Variants in STK38 observed in about 807,000 individuals in gnomAD.
STK38 encodes serine/threonine-protein kinase 38.
Under a neutral mutation model 59.0 loss-of-function variants are expected in STK38, and 26 were observed. The observed-to-expected ratio is 0.44, with a 90% CI of 0.32 to 0.61. The LOEUF (loss-of-function observed/expected upper bound fraction) is 0.61, where lower values mean the gene tolerates loss of function less well. Ranked by LOEUF, STK38 falls within the 20% of genes least tolerant of loss-of-function variation. The pLI is 0.04. For synonymous variants in STK38, 175 were observed against 176.6 expected, an observed-to-expected ratio of 0.99 and a Z score of 0.07; for missense variants, 433 against 566.0, an observed-to-expected ratio of 0.76 and a Z score of 2.38.
intron 2 of STK38, among the ~76,000 whole-genome samples, chr6:36,538,891 C>CAAAAA (rs1214217676): frequency 1.1e-4 from 6 of 54,118 alleles, no homozygotes; most frequent in African/African-American, 3.6e-4. Flanking sequence ...GACTCTGTCT[C>CAAAAA]AAAAAAAAAA....
intron 10 of STK38, among the ~76,000 whole-genome samples, chr6:36,499,437 T>A (rs1398575884): frequency 2.0e-5 from 3 of 152,024 alleles, no homozygotes; most frequent in African/African-American, 7.3e-5. Flanking sequence ...CCCCCACAGA[T>A]GCGTCCCATA....
At chr6:36,536,639 T>A (rs777322093) in intron 2 of STK38, among the ~76,000 whole-genome samples, 154 of 152,262 alleles carry the variant, frequency 1.0e-3, no homozygotes, top group African/African-American at 3.6e-3. Flanking sequence ...GTTCAAGCGA[T>A]TCTCCTGCCT....
At chr6:36,504,802 A>G (rs1776920014) in intron 9 of STK38, among the ~76,000 whole-genome samples, 1 of 151,964 alleles carries the variant, frequency 6.6e-6, no homozygotes, top group African/African-American at 2.4e-5. Context: ...AAAGAGCACA[A>G]AGCTTGTCTT....
At chr6:36,498,329 C>A in intron 11 of STK38, 34 bp downstream of exon 11, 1 of 1,580,172 alleles carries the variant, frequency 6.3e-7, no homozygotes, top group Non-Finnish European at 8.5e-7. Context: ...TATTAAAAAG[C>A]TGAGAAAGAA....
intron 2 of STK38, among the ~76,000 whole-genome samples, chr6:36,533,307 G>A (rs370423501): frequency 4.4e-4 from 67 of 152,144 alleles, no homozygotes; most frequent in African/African-American, 1.5e-3. Context: ...ACCACCACAC[G>A]TGGCTTACTG....
chr6:36,542,145 T>C (rs1166688142), intron 1 of STK38, among the ~76,000 whole-genome samples: 1 of 152,152 alleles, frequency 6.6e-6, no homozygotes, highest in Non-Finnish European at 1.5e-5. Flanking sequence ...CATGTTTTTC[T>C]ATATTTTCTT....
At chr6:36,502,192 G>A (rs1776857191) in intron 9 of STK38, among the ~76,000 whole-genome samples, 1 of 152,050 alleles carries the variant, frequency 6.6e-6, no homozygotes, top group African/African-American at 2.4e-5. Flanking sequence ...ACCCGGGCTG[G>A]AGTGCAGTGG....
intron 8 of STK38, 114 bp from the exon 9 acceptor site, chr6:36,506,758 CATACA>C: frequency 4.6e-6 from 4 of 875,594 alleles, no homozygotes; most frequent in Non-Finnish European, 7.0e-6. Context: ...TTCTTCTACT[CATACA>C]TCAAAAGCTC....
At chr6:36,540,374 T>C (rs966957171) in intron 1 of STK38, among the ~76,000 whole-genome samples, 167 bp from the exon 2 acceptor site, 3 of 152,192 alleles carry the variant, frequency 2.0e-5, no homozygotes, top group African/African-American at 7.2e-5. Context: ...AAAATAAATA[T>C]AAATTACTGT....
At chr6:36,540,810 G>A (rs1777917354) in intron 1 of STK38, among the ~76,000 whole-genome samples, 1 of 152,096 alleles carries the variant, frequency 6.6e-6, no homozygotes, top group South Asian at 2.1e-4. Flanking sequence ...ATTTTTAGTA[G>A]AGACGGGGCC....
intron 2 of STK38, among the ~76,000 whole-genome samples, chr6:36,535,477 C>CA: frequency 6.6e-6 from 1 of 152,014 alleles, no homozygotes; most frequent in South Asian, 2.1e-4. Context: ...AGCAAGCAAA[C>CA]AAACAACAAG....
chr6:36,528,912 A>G (rs926993547), intron 2 of STK38, among the ~76,000 whole-genome samples: 1 of 152,246 alleles, frequency 6.6e-6, no homozygotes, highest in African/African-American at 2.4e-5. Context: ...GGTTTTCCAC[A>G]GGTTTACTGA....
intron 1 of STK38, among the ~76,000 whole-genome samples, chr6:36,545,074 G>T (rs1196813633): frequency 6.6e-6 from 1 of 152,016 alleles, no homozygotes; most frequent in Non-Finnish European, 1.5e-5. Context: ...TGGATCACCT[G>T]AAGTCAGGAG....
chr6:36,544,419 C>A (rs1778012635), intron 1 of STK38, among the ~76,000 whole-genome samples: 1 of 151,962 alleles, frequency 6.6e-6, no homozygotes. Flanking sequence ...CCCCCCTCCA[C>A]CCACAATGAA....
chr6:36,537,623 T>C (rs748484563), intron 2 of STK38, among the ~76,000 whole-genome samples: 4 of 152,030 alleles, frequency 2.6e-5, no homozygotes, highest in Non-Finnish European at 5.9e-5. Context: ...GCTGGCCAGG[T>C]GTGGTGGCTC....
chr6:36,521,887 G>C, intron 4 of STK38, 70 bp from the exon 5 acceptor site: 1 of 1,231,162 alleles, frequency 8.1e-7, no homozygotes, highest in Non-Finnish European at 1.2e-6. Flanking sequence ...ATGTGTTATA[G>C]GATGCAATAA....
intron 2 of STK38, among the ~76,000 whole-genome samples, chr6:36,537,139 A>G (rs1464082186): frequency 6.6e-6 from 1 of 152,192 alleles, no homozygotes; most frequent in Non-Finnish European, 1.5e-5. Flanking sequence ...ACAAAGGAAG[A>G]TGCACAAATG....
chr6:36,512,178 G>C (rs1400945340), intron 7 of STK38, among the ~76,000 whole-genome samples: 2 of 152,208 alleles, frequency 1.3e-5, no homozygotes, highest in African/African-American at 2.4e-5. Context: ...TTCTGAATAT[G>C]CAACAGGAAC....
intron 7 of STK38, among the ~76,000 whole-genome samples, chr6:36,514,640 G>A (rs1425303508): frequency 6.6e-6 from 1 of 152,112 alleles, no homozygotes; most frequent in East Asian, 1.9e-4. Flanking sequence ...TTAGGAACTA[G>A]GCAACTACGC....
Sources: gnomAD v4.1 joint callset for allele counts (sites outside exome capture counted in the v4.1 genomes callset) on GRCh38, gnomAD v4.1.1 for gene constraint, MANE v1.5 for transcripts, NCBI Gene and HGNC (gene_info 2026-07-23, HGNC 2026-07-21) for gene names.